ACOXL: variants seen among roughly 807,000 people sequenced by gnomAD.
The protein encoded by ACOXL is acyl-CoA oxidase like.
Under a neutral mutation model 71.9 loss-of-function variants are expected in ACOXL, and 70 were observed. The ratio of observed to expected loss-of-function variants is 0.97; its 90% CI spans 0.80 to 1.19. The LOEUF (loss-of-function observed/expected upper bound fraction) is 1.19. ACOXL is among the 50% of genes most tolerant of loss of function. The probability of loss-of-function intolerance (pLI) is 0.00; values close to 1 mark genes in which losing one functional copy is unlikely to be tolerated. For missense variants in ACOXL, 703 were observed against 736.3 expected (o/e 0.95, Z 0.52); for synonymous variants, 253 against 281.6 (o/e 0.90, Z 1.02).
intron 3 of ACOXL, among the ~76,000 whole-genome samples, chr2:110,785,518 C>T (rs1362082296): frequency 6.6e-6 from 1 of 151,894 alleles, no homozygotes; most frequent in Admixed American, 6.6e-5. Context: ...TTCATTTGGC[C>T]TCCATTCCAC....
chr2:110,934,000 C>A (rs2149343339), intron 12 of ACOXL, among the ~76,000 whole-genome samples: 1 of 152,304 alleles, frequency 6.6e-6, no homozygotes, highest in African/African-American at 2.4e-5. Context: ...GGAAATGACC[C>A]CAAGGGTTTC....
intron 14 of ACOXL, among the ~76,000 whole-genome samples, chr2:111,002,738 C>T (rs983653453): frequency 3.3e-5 from 5 of 151,832 alleles, no homozygotes; most frequent in Admixed American, 6.6e-5. Context: ...TATTTTTTTC[C>T]CATTCCCCCT....
chr2:110,939,161 T>C (rs1207516880), intron 12 of ACOXL, among the ~76,000 whole-genome samples: 1 of 152,254 alleles, frequency 6.6e-6, no homozygotes, highest in Non-Finnish European at 1.5e-5. Flanking sequence ...CTGCTAACTT[T>C]AGTGTTTGTT....
intron 12 of ACOXL, chr2:110,963,653 C>G (rs2061802334): frequency 1.2e-6 from 2 of 1,613,420 alleles, no homozygotes; most frequent in African/African-American, 2.7e-5. Flanking sequence ...GAATCTCAGG[C>G]TTAAAGTGTG....
intron 10 of ACOXL, among the ~76,000 whole-genome samples, chr2:110,873,644 G>A (rs1695537958): frequency 6.6e-6 from 1 of 152,132 alleles, no homozygotes. Context: ...ATGGAGTAGA[G>A]CCAGGGGAGG....
chr2:111,088,154 AAGGTTGCAG>A (rs1482186411), intron 16 of ACOXL, among the ~76,000 whole-genome samples: 1 of 152,220 alleles, frequency 6.6e-6, no homozygotes, highest in Non-Finnish European at 1.5e-5. Context: ...AGATGCTGGC[AAGGTTGCAG>A]AGAAAAAGGG....
intron 11 of ACOXL, among the ~76,000 whole-genome samples, chr2:110,916,021 A>G (rs2059846267): frequency 6.6e-6 from 1 of 152,030 alleles, no homozygotes; most frequent in African/African-American, 2.4e-5. Context: ...AAAGTTTTTA[A>G]TGACTTTATT....
chr2:111,030,371 T>C (rs1360966085), intron 14 of ACOXL, among the ~76,000 whole-genome samples: 3 of 152,174 alleles, frequency 2.0e-5, no homozygotes, highest in African/African-American at 4.8e-5. Flanking sequence ...CAGAGAGATA[T>C]CAATTCAGGG....
intron 12 of ACOXL, among the ~76,000 whole-genome samples, chr2:110,981,688 A>T (rs2062714099): frequency 6.6e-6 from 1 of 152,202 alleles, no homozygotes; most frequent in Non-Finnish European, 1.5e-5. Context: ...CTCCTGTTCC[A>T]TAAAGCTTTC....
intron 10 of ACOXL, among the ~76,000 whole-genome samples, chr2:110,865,384 GC>G (rs972914487): frequency 6.6e-6 from 1 of 152,094 alleles, no homozygotes; most frequent in African/African-American, 2.4e-5. Context: ...TTTTTACTTT[GC>G]CTTAACTTTG....
intron 13 of ACOXL, among the ~76,000 whole-genome samples, chr2:110,994,799 C>T (rs2063318749): frequency 6.6e-6 from 1 of 152,074 alleles, no homozygotes; most frequent in South Asian, 2.1e-4. Flanking sequence ...GTAGCACATC[C>T]TCCCCTGTGC....
At chr2:110,738,816 TTTCC>T (rs1305268333) in intron 1 of ACOXL, among the ~76,000 whole-genome samples, 1 of 152,166 alleles carries the variant, frequency 6.6e-6, no homozygotes, top group Non-Finnish European at 1.5e-5. Flanking sequence ...TTCTAATATT[TTTCC>T]TTCCTTTTTT....
chr2:111,016,428 T>C (rs1261277134), intron 14 of ACOXL: 2 of 152,240 alleles, frequency 1.3e-5, no homozygotes, highest in Non-Finnish European at 1.5e-5. Context: ...TCTGACTGTA[T>C]GTGTTTTCTA....
At chr2:110,745,106 C>T (rs1018036558) in intron 1 of ACOXL, among the ~76,000 whole-genome samples, 1 of 152,184 alleles carries the variant, frequency 6.6e-6, no homozygotes, top group Non-Finnish European at 1.5e-5. Context: ...TAAGTAGTTG[C>T]TCCTGTTTCA....
Position 110,910,048 on chromosome 2 carries a change from C to T in ACOXL, c.905+1143C>T, listed in dbSNP as rs138164385. Among the ~76,000 whole-genome samples, 34 of 152,154 alleles carry T rather than the reference C, an allele frequency of 2.2e-4. No homozygotes were observed. In the East Asian group the frequency reaches 6.0e-3, roughly 27 times the overall value. On this transcript the variant is annotated intron_variant, in intron 11 of 17. Transcript: ENST00000439055. ...TAGTTTTTAGTGGAGTGAGTTTTGA[C>T]GCACATATACTCTTCTCGTGTAATA... is the stretch of plus-strand genomic sequence containing the variant.
intron 14 of ACOXL, among the ~76,000 whole-genome samples, chr2:110,999,194 C>T (rs773597692): frequency 3.9e-5 from 6 of 152,016 alleles, no homozygotes; most frequent in African/African-American, 9.7e-5. Context: ...TTGTAATGGC[C>T]GCCCCGCTTG....
intron 10 of ACOXL, among the ~76,000 whole-genome samples, chr2:110,882,270 T>G (rs1301761163): frequency 1.3e-5 from 2 of 152,232 alleles, no homozygotes; most frequent in African/African-American, 4.8e-5. Flanking sequence ...CCATTTATTT[T>G]CTTTAGTTAT....
intron 11 of ACOXL, among the ~76,000 whole-genome samples, chr2:110,921,941 C>A (rs547804038): frequency 2.0e-5 from 3 of 152,132 alleles, no homozygotes; most frequent in Non-Finnish European, 4.4e-5. Flanking sequence ...GAATTTTATT[C>A]TTTGAAATTT....
chr2:111,084,498 G>C (rs2068102512), intron 16 of ACOXL, among the ~76,000 whole-genome samples: 1 of 151,982 alleles, frequency 6.6e-6, no homozygotes, highest in African/African-American at 2.4e-5. Flanking sequence ...AGAAAAATTT[G>C]GTATTAATAC....
Sources: gnomAD v4.1 joint callset for allele counts (sites outside exome capture counted in the v4.1 genomes callset) on GRCh38, gnomAD v4.1.1 for gene constraint, MANE v1.5 for transcripts, NCBI Gene and HGNC (gene_info 2026-07-23, HGNC 2026-07-21) for gene names.